The following CFAP47 variants were observed in gnomAD, a reference collection of about 807,000 sequenced individuals.
The protein encoded by CFAP47 is cilia and flagella associated protein 47.
CFAP47 carries 29 observed loss-of-function variants against 148.1 expected under a neutral mutation model. The ratio of observed to expected loss-of-function variants is 0.20; its 90% CI spans 0.15 to 0.27. The LOEUF (loss-of-function observed/expected upper bound fraction) is 0.27. Ranked by LOEUF, CFAP47 falls within the 10% of genes least tolerant of loss-of-function variation. CFAP47 has a pLI of 1.00. For synonymous variants in CFAP47, 664 were observed against 577.3 expected (o/e 1.15, Z -2.15); for missense variants, 1,872 against 1,697.5 (o/e 1.10, Z -1.81).
At chrX:36,096,590 A>G (rs753876620) in intron 30 of CFAP47, among the ~76,000 whole-genome samples, 31 of 111,311 alleles carry the variant, frequency 2.8e-4, no homozygotes, top group Non-Finnish European at 5.1e-4. Context: ...TTATCATTAT[A>G]TAATGACCTT....
At chrX:36,198,527 AC>A (rs1367979865) in intron 42 of CFAP47, among the ~76,000 whole-genome samples, 2 of 112,163 alleles carry the variant, frequency 1.8e-5, no homozygotes, top group Admixed American at 1.9e-4. Context: ...CAGGAAAAAG[AC>A]CCGGAAAAGG....
intron 57 of CFAP47, among the ~76,000 whole-genome samples, chrX:36,328,742 G>A (rs1156748867): frequency 3.8e-5 from 4 of 105,408 alleles, no homozygotes; most frequent in African/African-American, 7.0e-5. Context: ...CCCGGGAAGC[G>A]GAGCTTGCAG....
chrX:35,960,380 G>GAAAAAAAAAAAAAAAAAAAAAAAAA (rs1188987905), intron 8 of CFAP47, among the ~76,000 whole-genome samples: 5 of 15,482 alleles, frequency 3.2e-4, no homozygotes, highest in East Asian at 2.5e-3. Flanking sequence ...GCTAATTTCT[G>GAAAAAAAAAAAAAAAAAAAAAAAAA]AAAAAAAAAA....
At chrX:36,365,249 G>C (rs1442036764) in intron 61 of CFAP47, among the ~76,000 whole-genome samples, 1 of 110,307 alleles carries the variant, frequency 9.1e-6, no homozygotes, top group Non-Finnish European at 1.9e-5. Flanking sequence ...AATCATCATT[G>C]ACTAAATTAT....
intron 61 of CFAP47, among the ~76,000 whole-genome samples, chrX:36,361,938 C>T (rs1359426003): frequency 7.1e-5 from 8 of 112,137 alleles, no homozygotes; most frequent in Non-Finnish European, 1.1e-4. Context: ...TAACATTACA[C>T]ATTCCTTAGT....
At chrX:35,923,828 A>AGTGTATATATATATATATGT (rs1555946622) in intron 1 of CFAP47, among the ~76,000 whole-genome samples, 1 of 91,461 alleles carries the variant, frequency 1.1e-5, no homozygotes, top group East Asian at 3.4e-4. Context: ...GAAAAAAAAA[A>AGTGTATATATATATATATGT]GTGTATATAT....
intron 53 of CFAP47, among the ~76,000 whole-genome samples, chrX:36,302,222 AT>A (rs1477721350): frequency 9.1e-6 from 1 of 110,412 alleles, no homozygotes; most frequent in African/African-American, 3.3e-5. Flanking sequence ...TTTTCATTGA[AT>A]TTCTTCATAT....
chrX:36,138,382 CA>C lies in CFAP47; in HGVS notation c.5458del (p.Ser1820ValfsTer10). 1 of 1,154,359 alleles carries C rather than the reference CA, an allele frequency of 8.7e-7. No homozygotes were observed. On this transcript the variant is annotated frameshift_variant, in exon 35 of 64. Coordinates refer to ENST00000378653, the MANE Select transcript of CFAP47 (RefSeq NM_001304548.2). LOFTEE classifies it high-confidence loss of function. ...CATTTTATAAATATGTACACACGAC[CA>C]AAAAGTCCTGAAGAGTATCTGCACA... ...ESHFINMYTR[P>X]KSPEEYLHNC... is the part of the protein sequence containing the mutation.
chrX:36,031,053 A>G (rs1024373028), intron 22 of CFAP47, among the ~76,000 whole-genome samples, 200 bp from the exon 23 acceptor site: 1 of 110,685 alleles, frequency 9.0e-6, no homozygotes, highest in Non-Finnish European at 1.9e-5. Context: ...AAATTCCACA[A>G]AAGGGAACTT....
intron 6 of CFAP47, among the ~76,000 whole-genome samples, chrX:35,952,189 C>T (rs1473494550): frequency 2.7e-5 from 3 of 111,341 alleles, no homozygotes; most frequent in African/African-American, 9.8e-5. Flanking sequence ...ATCCCTAGAC[C>T]TTGTGGAAAT....
chrX:36,261,538 A>C (rs1940823420), intron 49 of CFAP47, among the ~76,000 whole-genome samples: 1 of 106,051 alleles, frequency 9.4e-6, no homozygotes, highest in African/African-American at 3.5e-5. Flanking sequence ...CTTAATGAGC[A>C]TGCTGCCTTC....
At chrX:36,056,842 A>G (rs1354211129) in intron 26 of CFAP47, among the ~76,000 whole-genome samples, 1 of 112,084 alleles carries the variant, frequency 8.9e-6, no homozygotes, top group Non-Finnish European at 1.9e-5. Flanking sequence ...TTAGAGGACT[A>G]CACATTTCAG....
chrX:36,208,081 T>C (rs1003391306), intron 45 of CFAP47, among the ~76,000 whole-genome samples: 1 of 111,677 alleles, frequency 9.0e-6, no homozygotes, highest in Non-Finnish European at 1.9e-5. Flanking sequence ...TAATTCAAAA[T>C]ATTGATCTAA....
chrX:36,365,726 A>G (rs1187481578), intron 61 of CFAP47: 1 of 110,963 alleles, frequency 9.0e-6, no homozygotes, highest in African/African-American at 3.3e-5. Context: ...AAGTGAGAAC[A>G]TGTGGTATTT....
In CFAP47 at chrX:35,966,753, T is replaced by C; in HGVS notation, c.1599T>C (p.Pro533=). The C allele has an allele frequency of 9.0e-7, 1 of 1,112,764 alleles. No individual in the cohort carries two copies. Among genetic ancestry groups the C allele is most frequent in the Non-Finnish European group, 1.2e-6 (1 of 838,772 alleles). The allele number at this position is 1,112,764 out of a possible 1,213,427, so 91.7% of individuals were successfully genotyped here. ...STKKVVMKFD[P]GILPSIRNPT... ...AGAAAGTTGTGATGAAATTTGATCC[T>C]GGTATGCTATTGTGTAGTGCCCACC... Residue 533 remains proline (P), a splice_region_variant and synonymous_variant, in exon 9 of 64, where the codon CCT becomes CCC. Transcript: ENST00000378653.
rs34532797 is a variant in CFAP47 at position 36,075,201 on chromosome X, TTTTATTTA to T, written c.4691+1874_4691+1881del. Among the ~76,000 whole-genome samples the T allele has an allele frequency of 1.2e-3, 123 of 106,612 alleles. 1 individual carries two copies. The highest frequency in any genetic ancestry group is 2.3e-3 in the African/African-American group (67 of 28,901). The allele number at this position is 106,612 out of a possible 115,157, so 92.6% of individuals were successfully genotyped here. ...TTAATTTTAATTTTATATGTATTAT[TTTTATTTA>T]TTTATTTATTTATTTATTTATTTAT... is the stretch of plus-strand genomic sequence containing the variant. On this transcript the variant is annotated intron_variant, in intron 29 of 63. Transcript: ENST00000378653.
intron 15 of CFAP47, among the ~76,000 whole-genome samples, chrX:35,976,730 AGAAAGATCTAGAAATTACTTATAGC>A (rs1010653373): frequency 8.0e-5 from 9 of 112,145 alleles, no homozygotes; most frequent in African/African-American, 2.9e-4. Flanking sequence ...GAATTCTTTT[AGAAAGATCTAGAAATTACTTATAGC>A]CAATATTTAA....
chrX:36,016,492 C>G (rs1234296516), intron 22 of CFAP47, among the ~76,000 whole-genome samples: 1 of 110,723 alleles, frequency 9.0e-6, no homozygotes, highest in Non-Finnish European at 1.9e-5. Context: ...GGATCTCATT[C>G]TTTTTATGGA....
chrX:36,186,597 T>A (rs1244766355), intron 40 of CFAP47, among the ~76,000 whole-genome samples: 1 of 111,769 alleles, frequency 8.9e-6, no homozygotes, highest in Non-Finnish European at 1.9e-5. Flanking sequence ...TGAATTAACT[T>A]CATGAAGGCT....
Sources: allele counts gnomAD v4.1 joint callset (sites outside exome capture counted in the v4.1 genomes callset), GRCh38; gene constraint gnomAD v4.1.1; transcripts MANE v1.5; gene names NCBI Gene and HGNC (gene_info 2026-07-23, HGNC 2026-07-21).